Variants in ZNF208 observed in about 807,000 individuals in gnomAD.
The protein encoded by ZNF208 is zinc finger protein 95.
A neutral mutation model predicts 12.1 loss-of-function variants in ZNF208; 10 were observed. That is an observed-to-expected ratio of 0.83 (90% confidence interval 0.51 to 1.40). The LOEUF (loss-of-function observed/expected upper bound fraction) is 1.40. Among genes scored for constraint, ZNF208 ranks in the 40% most tolerant of loss-of-function variants. The pLI is 0.00. For missense variants in ZNF208, 1,652 were observed against 1,485.0 expected, an observed-to-expected ratio of 1.11 and a Z score of -1.85; for synonymous variants, 497 against 488.4, an observed-to-expected ratio of 1.02 and a Z score of -0.23.
intron 3 of ZNF208, among the ~76,000 whole-genome samples, chr19:21,979,527 C>T (rs1291036320): frequency 6.6e-6 from 1 of 152,162 alleles, no homozygotes. Context: ...TAAGCAAATG[C>T]TGAGAGATTT....
chr19:21,975,552 A>T (rs1970413407), intron 3 of ZNF208, among the ~76,000 whole-genome samples: 1 of 152,178 alleles, frequency 6.6e-6, no homozygotes, highest in Admixed American at 6.5e-5. Flanking sequence ...ATTTTGTGAC[A>T]GGTAGCCTTT....
chr19:21,969,495 CTT>C lies in ZNF208; in HGVS notation c.*1694_*1695del, dbSNP rs1364917820. 2.6e-5 allele frequency among the ~76,000 whole-genome samples: 4 copies of C among 152,040 alleles called. No individual in the cohort carries two copies. Among genetic ancestry groups the C allele is most frequent in the Non-Finnish European group, 4.4e-5 (3 of 68,000 alleles). On this transcript the variant is annotated 3_prime_UTR_variant, in exon 4 of 4. Transcript: ENST00000397126. ...GTGAATTAGCTGATATTTACATAAA[CTT>C]AATTTTGGATTAAATATTTTTTATA... is the stretch of plus-strand genomic sequence containing the variant.
intron 1 of ZNF208, among the ~76,000 whole-genome samples, chr19:22,007,174 T>C (rs1227052959): frequency 6.6e-6 from 1 of 152,006 alleles, no homozygotes; most frequent in Non-Finnish European, 1.5e-5. Flanking sequence ...CCTCAGTAGC[T>C]AACATTCTAA....
chr19:21,951,687 T>G (rs190127110), intron 4 of ZNF208, among the ~76,000 whole-genome samples: 1 of 152,192 alleles, frequency 6.6e-6, no homozygotes, highest in Admixed American at 6.5e-5. Flanking sequence ...CATTCCAAGA[T>G]GGCCAAATAG....
intron 3 of ZNF208, among the ~76,000 whole-genome samples, chr19:21,982,501 GA>G (rs1281642499): frequency 2.0e-5 from 3 of 151,280 alleles, no homozygotes; most frequent in Non-Finnish European, 2.9e-5. Flanking sequence ...CACAGAATTA[GA>G]AAAAAAACCG....
At chr19:22,009,188 A>C (rs1029032829) in intron 1 of ZNF208, among the ~76,000 whole-genome samples, 2 of 152,238 alleles carry the variant, frequency 1.3e-5, no homozygotes, top group Non-Finnish European at 2.9e-5. Context: ...AATAGGTATC[A>C]AAATGTAAAC....
intron 1 of ZNF208, among the ~76,000 whole-genome samples, chr19:21,992,428 T>G (rs905610503): frequency 8.5e-5 from 13 of 152,350 alleles, no homozygotes; most frequent in African/African-American, 2.9e-4. Context: ...TGATTTTAAA[T>G]AGTCTTTCTT....
chr19:22,009,786 G>A (rs1215978618), intron 1 of ZNF208, among the ~76,000 whole-genome samples: 1 of 148,240 alleles, frequency 6.7e-6, no homozygotes, highest in South Asian at 2.1e-4. Context: ...TGCATTTTTT[G>A]TAAATTACTA....
chr19:21,973,281 C>T lies in ZNF208; in HGVS notation c.1753G>A (p.Glu585Lys), dbSNP rs1970347503. ...GATTGGTTAAAAGCTTTGCCACATT[C>T]TTCACATTTGTAGGGTTTCTCTACA... ...HTVEKPYKCE[E>K]CGKAFNQSAI... is the part of the protein sequence containing the mutation. Residue 585 changes from glutamate (E) to lysine (K), a missense_variant, in exon 4 of 4, where the codon GAA becomes AAA. Coordinates refer to ENST00000397126, the MANE Select transcript of ZNF208 (RefSeq NM_007153.3). 6.2e-7 allele frequency: 1 copy of T among 1,611,224 alleles called. No individual in the cohort carries two copies. The highest frequency in any genetic ancestry group is 8.5e-7 in the Non-Finnish European group (1 of 1,178,574).
rs2145544659 is a variant in ZNF208 at position 21,971,612 on chromosome 19, T to C, written c.3422A>G (p.Tyr1141Cys). The change falls in exon 4 of 4, where the codon TAC becomes TGC. Residue 1141 changes from tyrosine (Y) to cysteine (C), a missense_variant. This residue lies in a region of ZNF208 where 1,239 missense variants were observed against 1,086.2 expected (regional missense o/e 1.14). Coordinates refer to ENST00000397126, the MANE Select transcript of ZNF208 (RefSeq NM_007153.3). ...GGCTTTGCCACATTCTTCACATTTG[T>C]AGGGTTTCTCTCCAGTATGAATTAC... ...HKVIHTGEKPYKCEECGKAYK... is the reference protein window; with the variant it reads ...HKVIHTGEKPCKCEECGKAYK... The C allele has an allele frequency of 6.2e-7, 1 of 1,612,552 alleles. No homozygotes were observed. Among genetic ancestry groups the C allele is most frequent in the Non-Finnish European group, 8.5e-7 (1 of 1,179,936 alleles).
chr19:21,954,811 A>T (rs1188529952), intron 4 of ZNF208, among the ~76,000 whole-genome samples: 1 of 152,138 alleles, frequency 6.6e-6, no homozygotes, highest in African/African-American at 2.4e-5. Context: ...GTGTCTTTTA[A>T]TTGGAGCACT....
rs1970195715 is a variant in ZNF208 at position 21,967,594 on chromosome 19, C to G, written c.*3597G>C. ...GAGATGCAGGTTTCACCATGTTGGC[C>G]AGGCTGGTCTCAAACTTCTGACCTC... On this transcript the variant is annotated 3_prime_UTR_variant, in exon 4 of 4. Transcript: ENST00000397126. 1.3e-5 allele frequency: 2 copies of G among 152,132 alleles called. 1 individual carries two copies. Among genetic ancestry groups the G allele is most frequent in the South Asian group, 4.1e-4 (2 of 4,824 alleles). 9.4% of individuals were successfully genotyped at this position (152,132 alleles called of 1,614,324 possible).
At chr19:21,950,561 G>A (rs187847553) in intron 4 of ZNF208, among the ~76,000 whole-genome samples, 8 of 149,194 alleles carry the variant, frequency 5.4e-5, no homozygotes, top group Admixed American at 1.3e-4. Context: ...CAGCACAATC[G>A]TGGCTCACTG....
chr19:21,971,104 T>G lies in ZNF208; in HGVS notation c.*87A>C, dbSNP rs931105005. On this transcript the variant is annotated 3_prime_UTR_variant, in exon 4 of 4. Coordinates refer to ENST00000397126, the MANE Select transcript of ZNF208 (RefSeq NM_007153.3). ...TGAAAGCCTCACCACATTCTTCACA[T>G]TTGTAGGGTTTCTCTCCAGTATGAA... The G allele has an allele frequency of 8.7e-6, 14 of 1,613,338 alleles. No individual in the cohort carries two copies. The Middle Eastern group carries it at 8.3e-4, about 95-fold the overall frequency.
chr19:21,976,953 A>T (rs962204496), intron 3 of ZNF208, among the ~76,000 whole-genome samples: 1 of 152,256 alleles, frequency 6.6e-6, no homozygotes, highest in African/African-American at 2.4e-5. Flanking sequence ...GGCAAGATGG[A>T]AGTAGACATT....
chr19:21,985,229 A>G (rs1318873843), intron 3 of ZNF208, among the ~76,000 whole-genome samples: 1 of 152,204 alleles, frequency 6.6e-6, no homozygotes. Context: ...AAGGTCTCCT[A>G]TTTGCTTAAC....
chr19:21,956,029 TTC>T (rs1969970711), intron 4 of ZNF208, among the ~76,000 whole-genome samples: 1 of 152,234 alleles, frequency 6.6e-6, no homozygotes, highest in African/African-American at 2.4e-5. Context: ...TGGATGTCCC[TTC>T]TGTTTGTTAA....
At position 21,973,879 on chromosome 19, in the gene ZNF208, A is replaced by G. The variant is rs752337130; in HGVS notation, c.1155T>C (p.Ser385=). Residue 385 remains serine (S), a synonymous_variant, in exon 4 of 4, where the codon AGT becomes AGC. Transcript: ENST00000397126. The part of the protein sequence containing the change: ...GKAYKWPSTL[S]YHKKIHTGEK... The stretch of plus-strand genomic sequence containing the variant: ...CTCCAGTATGAATTTTCTTATGATA[A>G]CTAAGGGTTGAGGGCCACTTATAGG... The G allele has an allele frequency of 5.0e-6, 8 of 1,613,164 alleles. No individual in the cohort carries two copies. The highest frequency in any genetic ancestry group is 3.3e-5 in the South Asian group (3 of 91,008).
Position 21,968,525 on chromosome 19 carries a change from A to G in ZNF208, c.*2666T>C, listed in dbSNP as rs1970214540. 6.6e-6 allele frequency: 1 copy of G among 152,110 alleles called. No individual in the cohort carries two copies. 9.4% of individuals were successfully genotyped at this position (152,110 alleles called of 1,614,324 possible). On this transcript the variant is annotated 3_prime_UTR_variant, in exon 4 of 4. Transcript: ENST00000397126. ...TCCATATCATGAAACACCTTCATAT[A>G]TATGGAAAAGCTCACATTAATGTAG...
Sources: gnomAD v4.1 joint callset for allele counts (sites outside exome capture counted in the v4.1 genomes callset) on GRCh38, gnomAD v4.1.1 for gene constraint, gnomAD v4.1.1 regional missense constraint, MANE v1.5 for transcripts, NCBI Gene and HGNC (gene_info 2026-07-23, HGNC 2026-07-21) for gene names.